XKR6: variants seen among roughly 807,000 people sequenced by gnomAD.
The protein encoded by XKR6 is XK related 6.
In XKR6, 22 loss-of-function variants were observed where a neutral mutation model predicts 56.7. The ratio of observed to expected loss-of-function variants is 0.39; its 90% CI spans 0.28 to 0.55. The LOEUF (loss-of-function observed/expected upper bound fraction) is 0.55. Among genes scored for constraint, XKR6 ranks in the 20% least tolerant of loss-of-function variants. The pLI, the probability that XKR6 is intolerant of heterozygous loss-of-function variation, is 0.66. For synonymous variants in XKR6, 524 were observed against 387.8 expected (o/e 1.35, Z -4.13); for missense variants, 852 against 889.0 (o/e 0.96, Z 0.53).
intron 1 of XKR6, chr8:11,175,620 T>C (rs974270724): frequency 3.3e-5 from 5 of 152,180 alleles, no homozygotes; most frequent in Non-Finnish European, 5.9e-5. Flanking sequence ...AAATAAAGAA[T>C]CTGTTTGCAA....
At chr8:11,060,749 T>A (rs1177391019) in intron 1 of XKR6, among the ~76,000 whole-genome samples, 2 of 152,242 alleles carry the variant, frequency 1.3e-5, no homozygotes, top group African/African-American at 4.8e-5. Flanking sequence ...CTCTGGCAAT[T>A]CATCCAATAA....
At chr8:11,086,216 C>G (rs1402506760) in intron 1 of XKR6, among the ~76,000 whole-genome samples, 1 of 151,544 alleles carries the variant, frequency 6.6e-6, no homozygotes, top group Non-Finnish European at 1.5e-5. Context: ...CATCAACTCA[C>G]TGGCTTAGGA....
chr8:11,192,942 A>G (rs984672005), intron 1 of XKR6, among the ~76,000 whole-genome samples: 3 of 152,204 alleles, frequency 2.0e-5, no homozygotes, highest in African/African-American at 4.8e-5. Context: ...TTCCCAAGCC[A>G]TGGGTTTGGC....
intron 1 of XKR6, among the ~76,000 whole-genome samples, chr8:10,938,063 C>T (rs1012096838): frequency 1.2e-4 from 19 of 152,160 alleles, no homozygotes; most frequent in South Asian, 8.3e-4. Context: ...ACTCCGTGGG[C>T]GTAGGACCCT....
chr8:11,113,683 C>T (rs1799016156), intron 1 of XKR6, among the ~76,000 whole-genome samples: 1 of 152,124 alleles, frequency 6.6e-6, no homozygotes, highest in African/African-American at 2.4e-5. Flanking sequence ...TTTCAATCTC[C>T]AACTCCTAAT....
At chr8:10,980,129 G>GGGAGCTTCAAGAAGGGGGAACGTC (rs1797695902) in intron 1 of XKR6, among the ~76,000 whole-genome samples, 1 of 152,212 alleles carries the variant, frequency 6.6e-6, no homozygotes, top group Admixed American at 6.5e-5. Context: ...TGGCCTCAGA[G>GGGAGCTTCAAGAAGGGGGAACGTC]GGAGCTTCAA....
intron 2 of XKR6, among the ~76,000 whole-genome samples, chr8:10,921,846 A>C (rs994664032): frequency 4.6e-4 from 70 of 152,226 alleles, no homozygotes; most frequent in African/African-American, 1.7e-3. Context: ...AGTTTAAATA[A>C]ACAGAGTCTG....
chr8:11,041,296 G>T (rs189687550), intron 1 of XKR6, among the ~76,000 whole-genome samples: 14 of 152,268 alleles, frequency 9.2e-5, no homozygotes, highest in Non-Finnish European at 1.9e-4. Flanking sequence ...GGTGGCTCAC[G>T]CCTGTAATCC....
At chr8:11,144,244 G>GTGTGTGTGTA (rs1554471244) in intron 1 of XKR6, among the ~76,000 whole-genome samples, 1 of 149,420 alleles carries the variant, frequency 6.7e-6, no homozygotes, top group Non-Finnish European at 1.5e-5. Context: ...GTGTGTGTGT[G>GTGTGTGTGTA]TGTGTGTGTG....
chr8:11,150,268 A>G (rs532668620), intron 1 of XKR6, among the ~76,000 whole-genome samples: 3 of 152,354 alleles, frequency 2.0e-5, no homozygotes, highest in African/African-American at 4.8e-5. Flanking sequence ...TAAGTACTCA[A>G]TGTCATGGAT....
At chr8:10,944,578 G>A (rs532581165) in intron 1 of XKR6, among the ~76,000 whole-genome samples, 1 of 152,220 alleles carries the variant, frequency 6.6e-6, no homozygotes, top group South Asian at 2.1e-4. Flanking sequence ...CAGCTCAAAG[G>A]GCCTGCAGAA....
At chr8:10,984,490 A>G (rs1397100415) in intron 1 of XKR6, among the ~76,000 whole-genome samples, 1 of 152,100 alleles carries the variant, frequency 6.6e-6, no homozygotes, top group Non-Finnish European at 1.5e-5. Context: ...GGGAAAAAGA[A>G]AGAAAGAATT....
Position 10,975,877 on chromosome 8 carries a change from G to A in XKR6, c.765-51047C>T, listed in dbSNP as rs1453006649. Reference sequence around the variant, plus strand: ...CTCCAAGCCTCCCTCATGGGAACACGGAGGTATCAAAAGCGCCCACCACGC... The same window carrying A: ...CTCCAAGCCTCCCTCATGGGAACACAGAGGTATCAAAAGCGCCCACCACGC... On this transcript the variant is annotated intron_variant, in intron 1 of 2. Coordinates refer to ENST00000416569, the MANE Select transcript of XKR6 (RefSeq NM_173683.4). 3.9e-5 allele frequency among the ~76,000 whole-genome samples: 6 copies of A among 152,186 alleles called. No individual in the cohort carries two copies. The East Asian group carries it at 7.8e-4, about 20-fold the overall frequency.
intron 1 of XKR6, among the ~76,000 whole-genome samples, chr8:11,184,999 C>T (rs191014718): frequency 1.3e-5 from 2 of 152,314 alleles, no homozygotes; most frequent in Admixed American, 6.5e-5. Flanking sequence ...CCAACCGGGC[C>T]ACTGTCTGGT....
At chr8:11,095,169 G>A (rs1044816019) in intron 1 of XKR6, among the ~76,000 whole-genome samples, 6 of 152,170 alleles carry the variant, frequency 3.9e-5, no homozygotes, top group Admixed American at 1.3e-4. Context: ...CATGAGTAGC[G>A]TTCAAGTTTG....
At chr8:10,924,527 T>A in intron 2 of XKR6, 107 bp downstream of exon 2, 1 of 1,376,132 alleles carries the variant, frequency 7.3e-7, no homozygotes. Context: ...CAGGGCAGGA[T>A]GGGCAATGCC....
chr8:11,078,980 C>G (rs1313577556), intron 1 of XKR6, among the ~76,000 whole-genome samples: 2 of 152,242 alleles, frequency 1.3e-5, no homozygotes, highest in Non-Finnish European at 2.9e-5. Context: ...CACCTCAGGA[C>G]CACTCCGGGG....
chr8:11,070,760 G>A (rs1800093927), intron 1 of XKR6, among the ~76,000 whole-genome samples: 2 of 152,314 alleles, frequency 1.3e-5, no homozygotes, highest in South Asian at 4.1e-4. Context: ...AGTAGAAAAG[G>A]CTTCCTAATT....
At chr8:11,031,289 T>C (rs955202476) in intron 1 of XKR6, among the ~76,000 whole-genome samples, 3 of 152,220 alleles carry the variant, frequency 2.0e-5, no homozygotes, top group Non-Finnish European at 2.9e-5. Context: ...CATCTCCTAA[T>C]CCACAGTGAC....
Sources: allele counts gnomAD v4.1 joint callset (sites outside exome capture counted in the v4.1 genomes callset), GRCh38; gene constraint gnomAD v4.1.1; transcripts MANE v1.5; gene names NCBI Gene and HGNC (gene_info 2026-07-23, HGNC 2026-07-21).